Variants in PARL observed in about 807,000 individuals in gnomAD.
The protein encoded by PARL is presenilin associated rhomboid like.
In PARL, 44 loss-of-function variants were observed where a neutral mutation model predicts 51.6. The observed-to-expected ratio is 0.85, with a 90% CI of 0.67 to 1.10. The LOEUF is 1.10. PARL is among the 50% of genes least tolerant of loss of function. The pLI is 0.00. For missense variants in PARL, 441 were observed against 469.5 expected, an observed-to-expected ratio of 0.94 and a Z score of 0.56; for synonymous variants, 172 against 164.0, an observed-to-expected ratio of 1.05 and a Z score of -0.37.
At chr3:183,835,111 T>A (rs984960559) in intron 7 of PARL, among the ~76,000 whole-genome samples, 1 of 150,848 alleles carries the variant, frequency 6.6e-6, no homozygotes, top group Non-Finnish European at 1.5e-5. Flanking sequence ...TCCTCTGTAC[T>A]ATTTCCTGCA....
At chr3:183,876,914 T>G (rs879554676) in intron 1 of PARL, among the ~76,000 whole-genome samples, 4 of 151,990 alleles carry the variant, frequency 2.6e-5, no homozygotes, top group Non-Finnish European at 2.9e-5. Context: ...GCGGTAGAAA[T>G]AGAAAGAGAA....
chr3:183,846,117 C>T (rs1158429924), intron 4 of PARL, among the ~76,000 whole-genome samples: 1 of 152,052 alleles, frequency 6.6e-6, no homozygotes, highest in Non-Finnish European at 1.5e-5. Context: ...TTCTGGAAAC[C>T]ACAGGCACCA....
intron 6 of PARL, among the ~76,000 whole-genome samples, chr3:183,841,583 G>C (rs1214467201): frequency 6.6e-6 from 1 of 152,148 alleles, no homozygotes; most frequent in Non-Finnish European, 1.5e-5. Context: ...ACAACTGCCA[G>C]ATATACTGTT....
intron 4 of PARL, among the ~76,000 whole-genome samples, chr3:183,858,913 A>G (rs1731472320): frequency 6.6e-6 from 1 of 152,156 alleles, no homozygotes. Context: ...AAGACCAAAA[A>G]AAAAATCCCC....
At chr3:183,842,794 C>T (rs1370326549) in intron 5 of PARL, among the ~76,000 whole-genome samples, 19 of 98,746 alleles carry the variant, frequency 1.9e-4, no homozygotes, top group East Asian at 7.1e-4. Flanking sequence ...GGCCATAGAG[C>T]GAGACTCTAT....
At chr3:183,866,878 A>G (rs561955602) in intron 2 of PARL, 113 bp from the exon 3 acceptor site, 1 of 799,128 alleles carries the variant, frequency 1.3e-6, no homozygotes, top group South Asian at 1.5e-5. Context: ...ACAGAAGGGA[A>G]TACTTGGCAC....
chr3:183,868,281 T>G (rs1732768519), intron 1 of PARL, among the ~76,000 whole-genome samples: 1 of 152,202 alleles, frequency 6.6e-6, no homozygotes, highest in Admixed American at 6.5e-5. Flanking sequence ...AGGATACTAC[T>G]TTGGGCTATT....
chr3:183,857,358 T>C lies in PARL; in HGVS notation c.511+5395A>G, dbSNP rs1731289380. On this transcript the variant is annotated intron_variant, in intron 4 of 9. Coordinates refer to ENST00000317096, the MANE Select transcript of PARL (RefSeq NM_018622.7). Reference sequence around the variant, plus strand: ...GCCTGTGAAAATTAATTAGTTGAGTTGTACATCTGACATATTCACATTCTT... The same window carrying C: ...GCCTGTGAAAATTAATTAGTTGAGTCGTACATCTGACATATTCACATTCTT... Among the ~76,000 whole-genome samples, 4 of 152,350 alleles carry C rather than the reference T, an allele frequency of 2.6e-5. 1 individual carries two copies. In the South Asian group the frequency reaches 8.3e-4, roughly 32 times the overall value.
intron 4 of PARL, among the ~76,000 whole-genome samples, chr3:183,854,489 A>G (rs958462186): frequency 5.3e-5 from 8 of 152,158 alleles, no homozygotes; most frequent in African/African-American, 1.9e-4. Flanking sequence ...AGTCCAAAAC[A>G]CCAAGTATTT....
chr3:183,879,879 A>ATTTTTTTTTTTT (rs532111761), intron 1 of PARL: 28 of 131,306 alleles, frequency 2.1e-4, no homozygotes, highest in Non-Finnish European at 3.0e-4. Context: ...ACCAGGACTG[A>ATTTTTTTTTTTT]TTTTTTTTTT....
At chr3:183,840,169 A>G (rs1209355434) in intron 7 of PARL, among the ~76,000 whole-genome samples, 1 of 152,236 alleles carries the variant, frequency 6.6e-6, no homozygotes, top group Non-Finnish European at 1.5e-5. Context: ...CCCAGGCTCT[A>G]GCATAGCACC....
intron 6 of PARL, 68 bp from the exon 7 acceptor site, chr3:183,840,708 TC>T: frequency 1.7e-5 from 14 of 811,170 alleles, no homozygotes; most frequent in South Asian, 1.1e-4. Context: ...TTTTTTCTTT[TC>T]TTTTTTTTTT....
At position 183,869,286 on chromosome 3, in the gene PARL, A is replaced by C. The variant is rs1732890809; in HGVS notation, c.126-1226T>G. 8.6e-5 allele frequency among the ~76,000 whole-genome samples: 12 copies of C among 139,728 alleles called. No homozygotes were observed. In the South Asian group the frequency reaches 2.8e-3, roughly 32 times the overall value. 91.7% of individuals were successfully genotyped at this position (139,728 alleles called of 152,430 possible). A position where few individuals can be genotyped will look rare whatever the true frequency, so the allele number is the denominator to read the frequency against. ...CAATGACATAATCTTGGCTCACTGCAACCTCTGCCTCCCCAGATGCAAGTG... is the reference window on the plus strand; with the variant it reads ...CAATGACATAATCTTGGCTCACTGCCACCTCTGCCTCCCCAGATGCAAGTG... On this transcript the variant is annotated intron_variant, in intron 1 of 9. Coordinates refer to ENST00000317096, the MANE Select transcript of PARL (RefSeq NM_018622.7).
chr3:183,872,168 A>AT (rs972594899), intron 1 of PARL, among the ~76,000 whole-genome samples: 31 of 151,952 alleles, frequency 2.0e-4, no homozygotes, highest in Admixed American at 3.3e-4. Context: ...CACCTGGCTA[A>AT]TTTTTTTGTA....
At chr3:183,828,047 G>C (rs1048771492), downstream of PARL, among the ~76,000 whole-genome samples, 2 of 152,236 alleles carry the variant, frequency 1.3e-5, no homozygotes, top group Non-Finnish European at 2.9e-5. Flanking sequence ...AGAGGAGAAA[G>C]TGAAGCACCC....
In PARL at chr3:183,884,719, T is replaced by C. The variant is rs764274870; in HGVS notation, c.125+3A>G. 7 of 1,588,870 alleles carry C rather than the reference T, an allele frequency of 4.4e-6. No homozygotes were observed. Among genetic ancestry groups the C allele is most frequent in the Non-Finnish European group, 6.0e-6 (7 of 1,170,268 alleles). On this transcript the variant is annotated splice_donor_region_variant and intron_variant, in intron 1 of 9. Coordinates refer to ENST00000317096, the MANE Select transcript of PARL (RefSeq NM_018622.7). ...GAGAAGACCAGAGCGCGGCGGCTAT[T>C]ACCTGCGTCCGAGGAGCTGCGGCGG... is the stretch of plus-strand genomic sequence containing the variant.
At chr3:183,862,435 GAAGGTACTT>G (rs59163666) in intron 4 of PARL, among the ~76,000 whole-genome samples, 7,594 of 152,248 alleles carry the variant, frequency 0.05, 648 homozygotes, top group African/African-American at 0.17. Context: ...CCTGAATATA[GAAGGTACTT>G]AATGTTTCCA....
intron 5 of PARL, chr3:183,843,089 T>A: frequency 2.5e-6 from 1 of 403,838 alleles, no homozygotes; most frequent in Non-Finnish European, 3.3e-6. Flanking sequence ...TCACCATGTT[T>A]CCCAGGCTGG....
intron 3 of PARL, among the ~76,000 whole-genome samples, chr3:183,864,050 C>G (rs772715998): frequency 1.3e-4 from 20 of 152,150 alleles, no homozygotes; most frequent in Non-Finnish European, 2.6e-4. Context: ...GTAAGAGATC[C>G]AGGATAATGG....
Sources: allele counts gnomAD v4.1 joint callset (sites outside exome capture counted in the v4.1 genomes callset), GRCh38; gene constraint gnomAD v4.1.1; transcripts MANE v1.5; gene names NCBI Gene and HGNC (gene_info 2026-07-23, HGNC 2026-07-21).